DTNB: variants seen among roughly 807,000 people sequenced by gnomAD.
DTNB encodes the protein dystrobrevin beta.
In DTNB, 63 loss-of-function variants were observed where a neutral mutation model predicts 90.7. The observed-to-expected ratio is 0.69, with a 90% CI of 0.57 to 0.86. The LOEUF is 0.86. Among genes scored for constraint, DTNB ranks in the 40% least tolerant of loss-of-function variants. The pLI is 0.00. For missense variants in DTNB, 744 were observed against 807.1 expected, an observed-to-expected ratio of 0.92 and a Z score of 0.95; for synonymous variants, 277 against 286.7, an observed-to-expected ratio of 0.97 and a Z score of 0.34.
chr2:25,449,132 CATA>C (rs1056565609), intron 12 of DTNB, among the ~76,000 whole-genome samples: 1 of 152,098 alleles, frequency 6.6e-6, no homozygotes, highest in African/African-American at 2.4e-5. Flanking sequence ...TTTTACTACT[CATA>C]ATATTTTTGA....
intron 8 of DTNB, among the ~76,000 whole-genome samples, chr2:25,535,347 C>T (rs34330745): frequency 0.017 from 2,440 of 140,444 alleles, 41 homozygotes; most frequent in Non-Finnish European, 0.018. Context: ...TCGGGGCAGC[C>T]GGGCAGAGGC....
At chr2:25,401,404 A>G (rs1327577575) in intron 16 of DTNB, among the ~76,000 whole-genome samples, 1 of 152,272 alleles carries the variant, frequency 6.6e-6, no homozygotes, top group Non-Finnish European at 1.5e-5. Flanking sequence ...CCCTGAGGAC[A>G]CGGGGATCCT....
intron 1 of DTNB, among the ~76,000 whole-genome samples, chr2:25,653,504 TTTCTTTCTTTC>T (rs1358515989): frequency 0.011 from 1,494 of 132,288 alleles, 42 homozygotes; most frequent in East Asian, 0.041. Context: ...TCTTTCTTTC[TTTCTTTCTTTC>T]TTTTTTTTTT....
In DTNB at chr2:25,648,617, T is replaced by C. The variant is rs185247193; in HGVS notation, c.67+3977A>G. On this transcript the variant is annotated intron_variant, in intron 2 of 20. Transcript: ENST00000406818. ...ATTTAAATTATTAAATTATTATGAC[T>C]GCTTTTATGCTACAATGGCAGAGTT... Among the ~76,000 whole-genome samples, 9 of 152,292 alleles carry C rather than the reference T, an allele frequency of 5.9e-5. No individual in the cohort carries two copies. The East Asian group carries it at 1.7e-3, about 29-fold the overall frequency.
At chr2:25,470,667 G>A (rs2062625746) in intron 10 of DTNB, among the ~76,000 whole-genome samples, 1 of 152,094 alleles carries the variant, frequency 6.6e-6, no homozygotes, top group Admixed American at 6.6e-5. Flanking sequence ...GTGAGCCACT[G>A]CACCCGGCCT....
intron 16 of DTNB, among the ~76,000 whole-genome samples, chr2:25,397,877 C>CAAAAAAAAAAAAAAAAAAAAAAAAAAA (rs56318909): frequency 1.4e-5 from 1 of 73,154 alleles, no homozygotes; most frequent in Non-Finnish European, 2.8e-5. Context: ...AAGACTGTCT[C>CAAAAAAAAAAAAAAAAAAAAAAAAAAA]AAAAAAAAAA....
Position 25,477,524 on chromosome 2 carries a change from G to T in DTNB, c.1079+5272C>A, listed in dbSNP as rs528083900. Among the ~76,000 whole-genome samples the T allele has an allele frequency of 5.3e-5, 8 of 152,210 alleles. No homozygotes were observed. The South Asian group carries it at 1.5e-3, about 28-fold the overall frequency. Reference sequence around the variant, plus strand: ...AGTGCTAGCAATTAGGACTACTCAGGATTATAGGCTCTAATATTTACCATT... The same window carrying T: ...AGTGCTAGCAATTAGGACTACTCAGTATTATAGGCTCTAATATTTACCATT... On this transcript the variant is annotated intron_variant, in intron 10 of 20. Transcript: ENST00000406818.
intron 8 of DTNB, among the ~76,000 whole-genome samples, chr2:25,533,302 G>A (rs1402543488): frequency 7.3e-6 from 1 of 137,746 alleles, no homozygotes; most frequent in Admixed American, 7.1e-5. Context: ...ACCCCACCCT[G>A]GGCGACAGAG....
At chr2:25,541,056 A>C (rs1043056247) in intron 8 of DTNB, among the ~76,000 whole-genome samples, 21 of 152,050 alleles carry the variant, frequency 1.4e-4, no homozygotes, top group African/African-American at 4.8e-4. Flanking sequence ...AGAAAACAAA[A>C]AAAAAAAAGA....
At chr2:25,594,375 T>A (rs2064166082) in intron 6 of DTNB, among the ~76,000 whole-genome samples, 1 of 152,242 alleles carries the variant, frequency 6.6e-6, no homozygotes, top group Non-Finnish European at 1.5e-5. Flanking sequence ...TGCACAAATT[T>A]GGGAAGAATA....
intron 10 of DTNB, 77 bp downstream of exon 10, chr2:25,482,719 G>T: frequency 6.9e-7 from 1 of 1,446,082 alleles, no homozygotes; most frequent in Non-Finnish European, 9.7e-7. Context: ...CTGCTTTTCA[G>T]GCCTCATTTC....
intron 3 of DTNB, among the ~76,000 whole-genome samples, chr2:25,630,587 G>A (rs1242020131): frequency 1.3e-5 from 2 of 152,166 alleles, no homozygotes; most frequent in South Asian, 2.1e-4. Context: ...GCTCATGCCT[G>A]TAATCCCAGC....
intron 2 of DTNB, among the ~76,000 whole-genome samples, chr2:25,650,376 G>A (rs1289488275): frequency 1.3e-5 from 2 of 152,170 alleles, no homozygotes; most frequent in East Asian, 3.8e-4. Flanking sequence ...ACTAAAAGTT[G>A]AAAGGAAAAG....
intron 12 of DTNB, among the ~76,000 whole-genome samples, chr2:25,437,000 T>A (rs1281309209): frequency 6.6e-6 from 1 of 152,146 alleles, no homozygotes; most frequent in Non-Finnish European, 1.5e-5. Context: ...ACAGAGGAGG[T>A]TAATATAGGA....
At chr2:25,663,381 T>C (rs976982663) in intron 1 of DTNB, among the ~76,000 whole-genome samples, 4 of 152,206 alleles carry the variant, frequency 2.6e-5, no homozygotes, top group Non-Finnish European at 5.9e-5. Flanking sequence ...ACAATGTGCA[T>C]GTGTCTTTAT....
chr2:25,630,224 T>C (rs551855445), intron 3 of DTNB, among the ~76,000 whole-genome samples: 4 of 152,324 alleles, frequency 2.6e-5, no homozygotes, highest in African/African-American at 9.6e-5. Flanking sequence ...AGACTTTTTA[T>C]TTAAATGGAA....
chr2:25,542,576 G>A (rs1171511439), intron 8 of DTNB, among the ~76,000 whole-genome samples: 1 of 152,080 alleles, frequency 6.6e-6, no homozygotes, highest in Non-Finnish European at 1.5e-5. Flanking sequence ...CAGAATCTGG[G>A]AAATTTTGTA....
At chr2:25,490,567 G>A (rs1325080342) in intron 9 of DTNB, among the ~76,000 whole-genome samples, 2 of 152,106 alleles carry the variant, frequency 1.3e-5, no homozygotes, top group East Asian at 3.9e-4. Flanking sequence ...AAATATTCAG[G>A]AAGTGTTATT....
chr2:25,414,120 TG>T (rs2149750667), intron 16 of DTNB, among the ~76,000 whole-genome samples: 1 of 152,342 alleles, frequency 6.6e-6, no homozygotes, highest in African/African-American at 2.4e-5. Flanking sequence ...CACTTTTTGA[TG>T]GGGTTATTTT....
Sources: gnomAD v4.1 joint callset for allele counts (sites outside exome capture counted in the v4.1 genomes callset) on GRCh38, gnomAD v4.1.1 for gene constraint, MANE v1.5 for transcripts, NCBI Gene and HGNC (gene_info 2026-07-23, HGNC 2026-07-21) for gene names.